Variants in TAFA4 observed in about 807,000 individuals in gnomAD.
TAFA4 encodes the protein TAFA chemokine like family member 4.
In TAFA4, 20 loss-of-function variants were observed where a neutral mutation model predicts 21.1. The observed-to-expected ratio is 0.95, with a 90% confidence interval of 0.67 to 1.38. TAFA4 has a LOEUF of 1.38. Ranked by LOEUF, TAFA4 falls within the 40% of genes most tolerant of loss-of-function variation. The pLI, the probability that TAFA4 is intolerant of heterozygous loss-of-function variation, is 0.00. For synonymous variants in TAFA4, 71 were observed against 67.4 expected, an observed-to-expected ratio of 1.05 and a Z score of -0.26; for missense variants, 211 against 180.9, an observed-to-expected ratio of 1.17 and a Z score of -0.95.
At chr3:68,785,948 C>T (rs1184741582) in intron 3 of TAFA4, among the ~76,000 whole-genome samples, 3 of 152,234 alleles carry the variant, frequency 2.0e-5, no homozygotes, top group African/African-American at 7.2e-5. Context: ...CAAACATACA[C>T]AATGATCATG....
intron 1 of TAFA4, among the ~76,000 whole-genome samples, chr3:68,910,714 G>A (rs369676932): frequency 6.6e-6 from 1 of 152,088 alleles, no homozygotes; most frequent in East Asian, 1.9e-4. Context: ...TCAAACTTTA[G>A]GGCTAAGAAT....
At position 68,765,270 on chromosome 3, in the gene TAFA4, T is replaced by A. The variant is rs185385154; in HGVS notation, c.131-12252A>T. 3.6e-3 allele frequency among the ~76,000 whole-genome samples: 543 copies of A among 152,282 alleles called. 3 individuals carry two copies. The highest frequency in any genetic ancestry group is 6.8e-3 in the Middle Eastern group (2 of 294). ...CATCTCGTGAACAAAACTAAATAAA[T>A]CTCTGTATGTATAATGTAGAAATTG... is the stretch of plus-strand genomic sequence containing the variant. On this transcript the variant is annotated intron_variant, in intron 3 of 5. Transcript: ENST00000295569.
intron 3 of TAFA4, among the ~76,000 whole-genome samples, chr3:68,868,168 A>C (rs1249262609): frequency 6.6e-6 from 1 of 152,076 alleles, no homozygotes; most frequent in East Asian, 1.9e-4. Flanking sequence ...ATTCCATGCA[A>C]ATGGAAATGA....
chr3:68,857,327 G>T (rs1232266779), intron 3 of TAFA4, among the ~76,000 whole-genome samples: 1 of 152,106 alleles, frequency 6.6e-6, no homozygotes, highest in Non-Finnish European at 1.5e-5. Flanking sequence ...CTGCTGATTT[G>T]CTAAGTACAT....
At chr3:68,768,004 A>G (rs1702887716) in intron 3 of TAFA4, among the ~76,000 whole-genome samples, 1 of 152,140 alleles carries the variant, frequency 6.6e-6, no homozygotes, top group Non-Finnish European at 1.5e-5. Context: ...TAAGCAGCCA[A>G]ACACCCACAT....
chr3:68,874,559 T>A (rs1374439410), intron 3 of TAFA4, among the ~76,000 whole-genome samples: 1 of 152,042 alleles, frequency 6.6e-6, no homozygotes, highest in East Asian at 1.9e-4. Flanking sequence ...TTTAGATGAG[T>A]CTAAGGCCGT....
intron 3 of TAFA4, among the ~76,000 whole-genome samples, chr3:68,819,548 C>G (rs1704069755): frequency 6.6e-6 from 1 of 152,118 alleles, no homozygotes; most frequent in African/African-American, 2.4e-5. Context: ...ATTTGCAAAA[C>G]AAGAACCAGA....
chr3:68,913,096 A>G (rs2089975031), intron 1 of TAFA4, among the ~76,000 whole-genome samples: 1 of 152,224 alleles, frequency 6.6e-6, no homozygotes, highest in Non-Finnish European at 1.5e-5. Flanking sequence ...TTCAGCTGCT[A>G]ATTCATTTAA....
intron 3 of TAFA4, among the ~76,000 whole-genome samples, chr3:68,842,504 T>G (rs1704688283): frequency 6.6e-6 from 1 of 152,236 alleles, no homozygotes. Context: ...GCCTATTCAC[T>G]CTGATGATAG....
intron 3 of TAFA4, among the ~76,000 whole-genome samples, chr3:68,759,186 C>A (rs1702715024): frequency 6.6e-6 from 1 of 152,216 alleles, no homozygotes; most frequent in Non-Finnish European, 1.5e-5. Context: ...GTAGAGCAGC[C>A]TTTTTATTCT....
chr3:68,880,457 C>T (rs112964785), intron 3 of TAFA4, among the ~76,000 whole-genome samples: 12 of 152,088 alleles, frequency 7.9e-5, no homozygotes, highest in African/African-American at 2.9e-4. Flanking sequence ...ACACAAATTG[C>T]TGATGGTTTT....
chr3:68,759,878 G>T (rs1348867871), intron 3 of TAFA4, among the ~76,000 whole-genome samples: 1 of 152,128 alleles, frequency 6.6e-6, no homozygotes, highest in Non-Finnish European at 1.5e-5. Context: ...TTGTCTGGGT[G>T]GGCAGATGGG....
intron 3 of TAFA4, among the ~76,000 whole-genome samples, chr3:68,873,872 A>G (rs1228163047): frequency 2.0e-5 from 3 of 151,992 alleles, no homozygotes; most frequent in Non-Finnish European, 4.4e-5. Context: ...GATTGCTGAA[A>G]TCTCCCACAC....
chr3:68,873,380 T>G (rs1038538599), intron 3 of TAFA4, among the ~76,000 whole-genome samples: 1 of 78,490 alleles, frequency 1.3e-5, no homozygotes, highest in Non-Finnish European at 2.9e-5. Context: ...ACACACACCC[T>G]GGGCCAGAAA....
intron 1 of TAFA4, among the ~76,000 whole-genome samples, chr3:68,895,158 CA>C (rs1233805173): frequency 6.6e-6 from 1 of 152,176 alleles, no homozygotes; most frequent in Non-Finnish European, 1.5e-5. Flanking sequence ...CCACCATGCC[CA>C]GCTAATTTTT....
intron 4 of TAFA4, among the ~76,000 whole-genome samples, chr3:68,745,850 G>A (rs1702447446): frequency 6.6e-6 from 1 of 152,164 alleles, no homozygotes; most frequent in South Asian, 2.1e-4. Context: ...GTATTTACAT[G>A]GTGTGATGGT....
chr3:68,810,422 G>A (rs1055600495), intron 3 of TAFA4, among the ~76,000 whole-genome samples: 1 of 152,172 alleles, frequency 6.6e-6, no homozygotes, highest in Non-Finnish European at 1.5e-5. Context: ...CCCTTTCCTA[G>A]TCAAAGAAAG....
chr3:68,802,291 G>A (rs185325981), intron 3 of TAFA4, among the ~76,000 whole-genome samples: 4 of 152,010 alleles, frequency 2.6e-5, no homozygotes, highest in Non-Finnish European at 1.5e-5. Context: ...ACACAAACTG[G>A]AAGAAAATAT....
chr3:68,793,866 C>A (rs567611016), intron 3 of TAFA4, among the ~76,000 whole-genome samples: 4 of 152,284 alleles, frequency 2.6e-5, no homozygotes, highest in Non-Finnish European at 5.9e-5. Context: ...TATAATAACT[C>A]AAGATGTAAC....
Sources: gnomAD v4.1 joint callset for allele counts (sites outside exome capture counted in the v4.1 genomes callset) on GRCh38, gnomAD v4.1.1 for gene constraint, MANE v1.5 for transcripts, NCBI Gene and HGNC (gene_info 2026-07-23, HGNC 2026-07-21) for gene names.